Variants in DNAH11 observed in about 807,000 individuals in gnomAD.
The protein encoded by DNAH11 is dynein axonemal heavy chain 11.
Under a neutral mutation model 526.0 loss-of-function variants are expected in DNAH11, and 442 were observed. The ratio of observed to expected loss-of-function variants is 0.84; its 90% CI spans 0.78 to 0.91. The LOEUF (loss-of-function observed/expected upper bound fraction) is 0.91, where lower values mean the gene tolerates loss of function less well. Ranked by LOEUF, DNAH11 falls within the 40% of genes least tolerant of loss-of-function variation. The pLI is 0.00. For missense variants in DNAH11, 6,989 were observed against 5,448.7 expected (o/e 1.28, Z -8.90); for synonymous variants, 2,461 against 1,935.9 (o/e 1.27, Z -7.12).
chr7:21,673,450 T>C (rs567233354), intron 30 of DNAH11, among the ~76,000 whole-genome samples: 1 of 152,250 alleles, frequency 6.6e-6, no homozygotes, highest in South Asian at 2.1e-4. Context: ...TCTGCCGACA[T>C]CATCAAAGAG....
intron 30 of DNAH11, among the ~76,000 whole-genome samples, chr7:21,660,401 G>GT (rs575282328): frequency 8.0e-5 from 12 of 150,762 alleles, no homozygotes; most frequent in East Asian, 5.9e-4. Context: ...ATTTTACTCT[G>GT]TTTTTTTTCT....
intron 2 of DNAH11, among the ~76,000 whole-genome samples, chr7:21,546,506 C>G (rs924976706): frequency 1.3e-5 from 2 of 152,160 alleles, no homozygotes; most frequent in African/African-American, 4.8e-5. Context: ...AATTCTTGCT[C>G]TACTATCTGT....
At chr7:21,635,349 G>A (rs1324300640) in intron 25 of DNAH11, among the ~76,000 whole-genome samples, 1 of 152,144 alleles carries the variant, frequency 6.6e-6, no homozygotes, top group African/African-American at 2.4e-5. Flanking sequence ...GTAGAGACGG[G>A]GTTTTACCGT....
chr7:21,887,609 A>T (rs1784173222), intron 76 of DNAH11, among the ~76,000 whole-genome samples: 2 of 152,202 alleles, frequency 1.3e-5, no homozygotes, highest in Non-Finnish European at 2.9e-5. Flanking sequence ...GTTTGCTGTC[A>T]GGTTTAAACT....
Position 21,599,822 on chromosome 7 carries a change from G to T in DNAH11, c.2703G>T (p.Leu901=). The T allele has an allele frequency of 5.7e-6, 9 of 1,592,232 alleles. No homozygotes were observed. The highest frequency in any genetic ancestry group is 7.7e-6 in the Non-Finnish European group (9 of 1,166,108). Residue 901 remains leucine (L), a synonymous_variant, in exon 15 of 82, where the codon CTG becomes CTT. Transcript: ENST00000409508. The part of the protein sequence containing the change: ...NRKLFKANPS[L]DTWKIYVEFI... ...AGCTCTTCAAAGCCAATCCCTCTCT[G>T]GATACCTGGAAAATTTATGTAGAAT...
chr7:21,815,847 C>A (rs1789762461), intron 63 of DNAH11, among the ~76,000 whole-genome samples: 1 of 152,066 alleles, frequency 6.6e-6, no homozygotes, highest in Non-Finnish European at 1.5e-5. Context: ...CTCTCCACCC[C>A]ACTTGCCCCT....
At position 21,901,467 on chromosome 7, in the gene DNAH11, C is replaced by T; in HGVS notation, c.*213C>T. 5.4e-6 allele frequency: 3 copies of T among 552,142 alleles called. No homozygotes were observed. The highest frequency in any genetic ancestry group is 5.9e-5 in the South Asian group (1 of 16,834). 34.2% of individuals were successfully genotyped at this position (552,142 alleles called of 1,614,324 possible). A position where few individuals can be genotyped will look rare whatever the true frequency, so the allele number is the denominator to read the frequency against. The stretch of plus-strand genomic sequence containing the variant: ...GCACACGACTGTAATCCCAGTTACT[C>T]AGGAGGTAGGAGAATCACTTGAACC... On this transcript the variant is annotated 3_prime_UTR_variant, in exon 82 of 82. Coordinates refer to ENST00000409508, the MANE Select transcript of DNAH11 (RefSeq NM_001277115.2).
intron 65 of DNAH11, among the ~76,000 whole-genome samples, chr7:21,842,101 G>C (rs1782224241): frequency 6.6e-6 from 1 of 152,124 alleles, no homozygotes; most frequent in Non-Finnish European, 1.5e-5. Context: ...TGATGTTTTT[G>C]TGACCAGGAA....
chr7:21,763,484 A>T (rs548045460), intron 54 of DNAH11, among the ~76,000 whole-genome samples: 2 of 152,076 alleles, frequency 1.3e-5, no homozygotes, highest in African/African-American at 4.8e-5. Context: ...GTCATTATTT[A>T]AAAAAGCAAA....
chr7:21,598,875 A>G lies in DNAH11; in HGVS notation c.2668-912A>G, dbSNP rs184119378. ...GCTCCTGCATTAGTTTGCTGAGGATAATGGCCTCCAGCTCCATCCATGTTC... is the reference window on the plus strand; with the variant it reads ...GCTCCTGCATTAGTTTGCTGAGGATGATGGCCTCCAGCTCCATCCATGTTC... On this transcript the variant is annotated intron_variant, in intron 14 of 81. Coordinates refer to ENST00000409508, the MANE Select transcript of DNAH11 (RefSeq NM_001277115.2). Among the ~76,000 whole-genome samples, 331 of 152,260 alleles carry G rather than the reference A, an allele frequency of 2.2e-3. 1 individual carries two copies. The highest frequency in any genetic ancestry group is 6.8e-3 in the Middle Eastern group (2 of 294).
chr7:21,748,009 A>G (rs1786223875), intron 51 of DNAH11, among the ~76,000 whole-genome samples: 1 of 152,230 alleles, frequency 6.6e-6, no homozygotes, highest in African/African-American at 2.4e-5. Flanking sequence ...GGTGGTGACA[A>G]CAAAGCTCTA....
intron 43 of DNAH11, among the ~76,000 whole-genome samples, chr7:21,719,944 G>T (rs1291426731): frequency 1.3e-5 from 2 of 152,178 alleles, no homozygotes; most frequent in African/African-American, 2.4e-5. Flanking sequence ...GTTCATTACT[G>T]GTTATTATTT....
At chr7:21,786,584 A>C in intron 58 of DNAH11, 40 bp from the exon 59 acceptor site, 1 of 1,572,668 alleles carries the variant, frequency 6.4e-7, no homozygotes, top group Non-Finnish European at 8.7e-7. Flanking sequence ...GACTTCCGCT[A>C]ATCCTGTCTG....
intron 30 of DNAH11, among the ~76,000 whole-genome samples, chr7:21,660,650 A>G (rs576270917): frequency 3.9e-4 from 56 of 141,984 alleles, no homozygotes; most frequent in African/African-American, 1.4e-3. Flanking sequence ...TTGGCATGCA[A>G]ACATCAAAAG....
intron 61 of DNAH11, among the ~76,000 whole-genome samples, chr7:21,800,138 G>A (rs1277357532): frequency 6.6e-6 from 1 of 152,212 alleles, no homozygotes; most frequent in East Asian, 1.9e-4. Flanking sequence ...CTCTAGGGCT[G>A]TGTGACTTCT....
chr7:21,684,352 A>T (rs1437335728), intron 32 of DNAH11, among the ~76,000 whole-genome samples: 2 of 152,220 alleles, frequency 1.3e-5, no homozygotes, highest in Non-Finnish European at 2.9e-5. Flanking sequence ...ATGATTCAAC[A>T]AATACTTCTG....
intron 61 of DNAH11, among the ~76,000 whole-genome samples, chr7:21,799,678 A>G (rs1313364634): frequency 1.3e-5 from 2 of 152,220 alleles, no homozygotes; most frequent in Admixed American, 1.3e-4. Flanking sequence ...TAATATCTCC[A>G]TCAATTCTCA....
intron 51 of DNAH11, 54 bp from the exon 52 acceptor site, chr7:21,748,526 A>C: frequency 1.4e-6 from 2 of 1,398,400 alleles, no homozygotes; most frequent in Non-Finnish European, 1.9e-6. Flanking sequence ...CAGAACAGAC[A>C]TAGTCCCGGG....
chr7:21,756,354 G>A (rs1334566458), intron 54 of DNAH11, among the ~76,000 whole-genome samples: 1 of 151,806 alleles, frequency 6.6e-6, no homozygotes, highest in African/African-American at 2.4e-5. Flanking sequence ...TCTATTTGGG[G>A]CTGTCTGTTA....
Sources: gnomAD v4.1 joint callset for allele counts (sites outside exome capture counted in the v4.1 genomes callset) on GRCh38, gnomAD v4.1.1 for gene constraint, MANE v1.5 for transcripts, NCBI Gene and HGNC (gene_info 2026-07-23, HGNC 2026-07-21) for gene names.